SMYD3: variants seen among roughly 807,000 people sequenced by gnomAD.
SMYD3 encodes histone-lysine N-methyltransferase SMYD3.
Under a neutral mutation model 57.7 loss-of-function variants are expected in SMYD3, and 36 were observed. The observed-to-expected ratio is 0.62, with a 90% CI of 0.48 to 0.82. The LOEUF is 0.82. Among genes scored for constraint, SMYD3 ranks in the 40% least tolerant of loss-of-function variants. The pLI is 0.00. For missense variants in SMYD3, 515 were observed against 538.8 expected, an observed-to-expected ratio of 0.96 and a Z score of 0.44; for synonymous variants, 211 against 195.0, an observed-to-expected ratio of 1.08 and a Z score of -0.68.
intron 8 of SMYD3, among the ~76,000 whole-genome samples, chr1:245,895,727 A>T (rs772941310): frequency 6.6e-6 from 1 of 152,236 alleles, no homozygotes; most frequent in African/African-American, 2.4e-5. Flanking sequence ...GGCATAGCCC[A>T]GGTGATGTAC....
intron 5 of SMYD3, among the ~76,000 whole-genome samples, chr1:246,136,410 T>C (rs1572088543): frequency 6.6e-6 from 1 of 152,248 alleles, no homozygotes; most frequent in Non-Finnish European, 1.5e-5. Context: ...GAGACAGTTG[T>C]GAATAATGCT....
At chr1:246,226,711 A>G (rs2063335602) in intron 5 of SMYD3, among the ~76,000 whole-genome samples, 2 of 152,118 alleles carry the variant, frequency 1.3e-5, no homozygotes, top group Admixed American at 6.5e-5. Flanking sequence ...TGTTATTTTG[A>G]TTTTTAAATT....
intron 5 of SMYD3, among the ~76,000 whole-genome samples, chr1:246,105,887 T>C (rs183255549): frequency 2.1e-4 from 32 of 152,356 alleles, no homozygotes; most frequent in Admixed American, 7.8e-4. Context: ...CCACTGCTAA[T>C]CAAACTTGTT....
intron 5 of SMYD3, among the ~76,000 whole-genome samples, chr1:246,088,588 C>A (rs1202705886): frequency 2.2e-5 from 2 of 91,872 alleles, no homozygotes; most frequent in African/African-American, 6.3e-5. Context: ...CCAGCCTGGG[C>A]GACAGGGCGA....
chr1:246,076,082 T>C (rs909841230), intron 5 of SMYD3, among the ~76,000 whole-genome samples: 8 of 152,160 alleles, frequency 5.3e-5, no homozygotes, highest in African/African-American at 2.4e-5. Context: ...TGCCAATGTA[T>C]TCATCTGCAT....
chr1:246,245,514 T>C (rs903900217), intron 5 of SMYD3, among the ~76,000 whole-genome samples: 3 of 152,054 alleles, frequency 2.0e-5, no homozygotes, highest in Non-Finnish European at 4.4e-5. Context: ...TCCTCTTTTA[T>C]TAAGAAAGAG....
chr1:246,371,932 CTTTG>C (rs1172115743), intron 1 of SMYD3, among the ~76,000 whole-genome samples: 4 of 150,362 alleles, frequency 2.7e-5, no homozygotes, highest in Non-Finnish European at 3.0e-5. Flanking sequence ...ATGTATAATA[CTTTG>C]TTTAACTTTT....
intron 5 of SMYD3, among the ~76,000 whole-genome samples, chr1:246,211,118 G>GA (rs905320050): frequency 1.8e-4 from 27 of 150,904 alleles, no homozygotes; most frequent in African/African-American, 5.9e-4. Context: ...TCTATTATAG[G>GA]AAAAAAAAAT....
intron 5 of SMYD3, among the ~76,000 whole-genome samples, chr1:245,984,711 T>C (rs1413012959): frequency 6.6e-6 from 1 of 152,208 alleles, no homozygotes; most frequent in Non-Finnish European, 1.5e-5. Flanking sequence ...ACACTGATTA[T>C]CCTCTCATCC....
chr1:246,239,522 G>T (rs2063568947), intron 5 of SMYD3, among the ~76,000 whole-genome samples: 3 of 152,158 alleles, frequency 2.0e-5, no homozygotes, highest in African/African-American at 7.2e-5. Context: ...CCAAGTCTTT[G>T]CTATTGTGAA....
intron 5 of SMYD3, among the ~76,000 whole-genome samples, chr1:246,031,952 C>T (rs753820425): frequency 3.3e-5 from 5 of 152,096 alleles, no homozygotes; most frequent in Admixed American, 6.5e-5. Context: ...GGGATATTTC[C>T]TGTAGCAGCA....
At chr1:246,463,950 G>A (rs2067845739) in intron 1 of SMYD3, among the ~76,000 whole-genome samples, 1 of 151,946 alleles carries the variant, frequency 6.6e-6, no homozygotes, top group Non-Finnish European at 1.5e-5. Context: ...GACAACAGAG[G>A]AGGCATATGG....
chr1:246,101,064 GTTTTTTGTTTTTTTTTTTT>G (rs1206281459), intron 5 of SMYD3, among the ~76,000 whole-genome samples: 14 of 78,596 alleles, frequency 1.8e-4, no homozygotes, highest in African/African-American at 4.1e-4. Context: ...ATTTTTAGGG[GTTTTTTGTTTTTTTTTTTT>G]TTTTTTTTTT....
intron 5 of SMYD3, among the ~76,000 whole-genome samples, chr1:246,186,513 T>C (rs1464539549): frequency 6.6e-6 from 1 of 152,084 alleles, no homozygotes; most frequent in African/African-American, 2.4e-5. Context: ...TCACAGTCCC[T>C]TACCATGCAC....
At chr1:246,157,505 G>C (rs2062040003) in intron 5 of SMYD3, among the ~76,000 whole-genome samples, 1 of 152,064 alleles carries the variant, frequency 6.6e-6, no homozygotes, top group African/African-American at 2.4e-5. Context: ...TCCCTCCCAA[G>C]TTATTCCTTT....
intron 2 of SMYD3, among the ~76,000 whole-genome samples, chr1:246,349,903 G>C (rs1018510286): frequency 1.3e-5 from 2 of 152,050 alleles, no homozygotes. Flanking sequence ...AAACAGATAC[G>C]ATAAATATTA....
chr1:245,796,726 G>A (rs1190877071), intron 10 of SMYD3, among the ~76,000 whole-genome samples: 6 of 152,186 alleles, frequency 3.9e-5, no homozygotes, highest in African/African-American at 1.4e-4. Flanking sequence ...GAGGAGAGCA[G>A]AGTGTCATCA....
At chr1:246,456,133 T>C (rs890727809) in intron 1 of SMYD3, among the ~76,000 whole-genome samples, 1 of 152,180 alleles carries the variant, frequency 6.6e-6, no homozygotes, top group Non-Finnish European at 1.5e-5. Flanking sequence ...GGAATTTGTC[T>C]CTGGCCCAAT....
intron 10 of SMYD3, among the ~76,000 whole-genome samples, chr1:245,851,583 G>C (rs970421321): frequency 2.6e-5 from 4 of 152,140 alleles, no homozygotes; most frequent in African/African-American, 9.7e-5. Flanking sequence ...ATTTCCTAAA[G>C]CCCCATGCCT....
Sources: allele counts gnomAD v4.1 joint callset (sites outside exome capture counted in the v4.1 genomes callset), GRCh38; gene constraint gnomAD v4.1.1; transcripts MANE v1.5; gene names NCBI Gene and HGNC (gene_info 2026-07-23, HGNC 2026-07-21).